CLCA2: variants seen among roughly 807,000 people sequenced by gnomAD.
The protein encoded by CLCA2 is chloride channel accessory 2.
In CLCA2, 85 loss-of-function variants were observed where a neutral mutation model predicts 82.9. That is an observed-to-expected ratio of 1.03 (90% CI 0.86 to 1.23). The LOEUF (loss-of-function observed/expected upper bound fraction) is 1.23. Among genes scored for constraint, CLCA2 ranks in the 50% most tolerant of loss-of-function variants. CLCA2 has a pLI of 0.00. For synonymous variants in CLCA2, 421 were observed against 391.7 expected (o/e 1.07, Z -0.88); for missense variants, 1,089 against 1,124.8 (o/e 0.97, Z 0.45).
chr1:86,447,874 G>T (rs1662887938), intron 11 of CLCA2, 96 bp downstream of exon 11: 3 of 1,305,228 alleles, frequency 2.3e-6, no homozygotes, highest in South Asian at 3.1e-5. Flanking sequence ...AAGATTCCTT[G>T]AGTTCAATTT....
At chr1:86,441,613 C>A in intron 9 of CLCA2, 70 bp downstream of exon 9, 2 of 1,002,144 alleles carry the variant, frequency 2.0e-6, no homozygotes, top group Non-Finnish European at 3.1e-6. Context: ...GGGAAATCAA[C>A]GAATTGTGCT....
Position 86,444,030 on chromosome 1 carries a change from T to C in CLCA2, c.1713+19T>C. Reference sequence around the variant, plus strand: ...AGCTAAGGTAGGTGTTGTGAGTTTGTTCCTAAGGACAACGTTCAACCAAGT... The same window carrying C: ...AGCTAAGGTAGGTGTTGTGAGTTTGCTCCTAAGGACAACGTTCAACCAAGT... On this transcript the variant is annotated intron_variant, in intron 10 of 13. Transcript: ENST00000370565. The C allele has an allele frequency of 6.6e-7, 1 of 1,510,554 alleles. No individual in the cohort carries two copies. 93.6% of individuals were successfully genotyped at this position (1,510,554 alleles called of 1,614,324 possible).
At chr1:86,453,670 A>G in intron 13 of CLCA2, 68 bp downstream of exon 13, 2 of 1,324,380 alleles carry the variant, frequency 1.5e-6, no homozygotes, top group East Asian at 2.3e-5. Context: ...GTCAGGGGCT[A>G]GTAGAACTGA....
intron 5 of CLCA2, among the ~76,000 whole-genome samples, chr1:86,433,338 A>C (rs1334149): frequency 1.3e-5 from 2 of 152,032 alleles, no homozygotes; most frequent in Non-Finnish European, 2.9e-5. Flanking sequence ...CAGCCCACAC[A>C]TGCCTCTGTG....
chr1:86,454,862 C>A, intron 13 of CLCA2, among the ~76,000 whole-genome samples: 1 of 147,338 alleles, frequency 6.8e-6, no homozygotes. Context: ...GAAAAAATAA[C>A]ATATTTTGTG....
chr1:86,427,494 T>C (rs1179308849), intron 2 of CLCA2, among the ~76,000 whole-genome samples: 1 of 151,956 alleles, frequency 6.6e-6, no homozygotes. Flanking sequence ...AAAAATTGTA[T>C]TGTCCTCTTC....
At chr1:86,444,055 T>G (rs766490334) in intron 10 of CLCA2, 44 bp downstream of exon 10, 314 of 1,288,974 alleles carry the variant, frequency 2.4e-4, no homozygotes, top group Non-Finnish European at 3.5e-4. Context: ...TTCAACCAAG[T>G]TTATGATTTT....
chr1:86,444,247 C>T (rs1047078499), intron 10 of CLCA2, among the ~76,000 whole-genome samples: 1 of 152,010 alleles, frequency 6.6e-6, no homozygotes, highest in Non-Finnish European at 1.5e-5. Context: ...TTAGTATTTC[C>T]ACTAGTATTA....
intron 11 of CLCA2, 116 bp from the exon 12 acceptor site, chr1:86,450,447 A>G: frequency 2.8e-6 from 2 of 718,206 alleles, no homozygotes; most frequent in Admixed American, 7.0e-5. Flanking sequence ...AGATAAGAGC[A>G]TGATAATATA....
chr1:86,430,745 A>C, intron 3 of CLCA2, 117 bp from the exon 4 acceptor site: 1 of 762,124 alleles, frequency 1.3e-6, no homozygotes, highest in Non-Finnish European at 2.3e-6. Context: ...AAGTAACTTA[A>C]ACTCTTTGGT....
intron 11 of CLCA2, 139 bp from the exon 12 acceptor site, chr1:86,450,424 G>T: frequency 1.7e-6 from 1 of 589,400 alleles, no homozygotes. Flanking sequence ...TATCACCTGA[G>T]AATGTAAAAA....
chr1:86,439,640 C>T lies in CLCA2; in HGVS notation c.1204-508C>T, dbSNP rs190763661. ...TTATCTGATAGCAAACAAGACACAT[C>T]AGCTATGGTTTTTGCTGCCCATGGT... On this transcript the variant is annotated intron_variant, in intron 7 of 13. Coordinates refer to ENST00000370565, the MANE Select transcript of CLCA2 (RefSeq NM_006536.7). Among the ~76,000 whole-genome samples the T allele has an allele frequency of 4.6e-5, 7 of 152,256 alleles. No homozygotes were observed. In the East Asian group the frequency reaches 1.4e-3, roughly 29 times the overall value.
intron 12 of CLCA2, 41 bp from the exon 13 acceptor site, chr1:86,453,328 G>A (rs3820041): frequency 0.06 from 91,169 of 1,513,638 alleles, 3,197 homozygotes; most frequent in East Asian, 0.11. Context: ...CAGAAGCTTT[G>A]TAATTTGTCA....
chr1:86,427,234 G>A (rs111331175), intron 2 of CLCA2, among the ~76,000 whole-genome samples: 2,441 of 152,010 alleles, frequency 0.016, 78 homozygotes, highest in African/African-American at 0.056. Flanking sequence ...AACAGCCTCT[G>A]AGTATTCCAT....
At position 86,430,985 on chromosome 1, in the gene CLCA2, TC is replaced by T. The variant is rs769673577; in HGVS notation, c.584+16del. On this transcript the variant is annotated intron_variant, in intron 4 of 13. Transcript: ENST00000370565. The stretch of plus-strand genomic sequence containing the variant: ...AAAGTGACAAGGTTAGTACTTTTTT[TC>T]ATGTTATAATTCATTATTTATTTGA... 4.5e-6 allele frequency: 7 copies of T among 1,545,894 alleles called. No homozygotes were observed. Among genetic ancestry groups the T allele is most frequent in the Non-Finnish European group, 6.2e-6 (7 of 1,122,702 alleles).
rs1662691099 is a variant in CLCA2, at chr1:86,440,000, G to C, written c.1204-148G>C. On this transcript the variant is annotated intron_variant, in intron 7 of 13. Transcript: ENST00000370565. ...CTGGCAGTGGAATGTAGGGTGACAA[G>C]TGCTGTGATGGGGTGAGGTAAAACT... 3 of 694,762 alleles carry C rather than the reference G, an allele frequency of 4.3e-6. No individual in the cohort carries two copies. In the East Asian group the frequency reaches 7.9e-5, roughly 18 times the overall value. The allele number at this position is 694,762 out of a possible 1,614,324, so 43.0% of individuals were successfully genotyped here.
intron 4 of CLCA2, 120 bp from the exon 5 acceptor site, chr1:86,432,249 T>G (rs1570254324): frequency 8.1e-7 from 1 of 1,229,390 alleles, no homozygotes; most frequent in East Asian, 2.4e-5. Context: ...AGAGCAGTTT[T>G]TAAAGTTTTG....
chr1:86,451,214 T>C (rs1018823369), intron 12 of CLCA2, among the ~76,000 whole-genome samples: 2 of 152,206 alleles, frequency 1.3e-5, no homozygotes, highest in African/African-American at 2.4e-5. Context: ...TGTTTTGCTT[T>C]TCTTCAAGAA....
At chr1:86,435,374 C>A (rs1474569339) in intron 6 of CLCA2, among the ~76,000 whole-genome samples, 1 of 152,216 alleles carries the variant, frequency 6.6e-6, no homozygotes, top group Admixed American at 6.5e-5. Context: ...TTCCTGCTGG[C>A]TACATTCTAC....
Sources: gnomAD v4.1 joint callset for allele counts (sites outside exome capture counted in the v4.1 genomes callset) on GRCh38, gnomAD v4.1.1 for gene constraint, MANE v1.5 for transcripts, NCBI Gene and HGNC (gene_info 2026-07-23, HGNC 2026-07-21) for gene names.